PDE4D: variants seen among roughly 807,000 people sequenced by gnomAD.
PDE4D encodes the protein 3',5'-cyclic-AMP phosphodiesterase 4D.
A neutral mutation model predicts 87.4 loss-of-function variants in PDE4D; 24 were observed. The observed-to-expected ratio is 0.27, with a 90% CI of 0.20 to 0.39. PDE4D has a LOEUF of 0.39. Ranked by LOEUF, PDE4D falls within the 10% of genes least tolerant of loss-of-function variation. The probability of loss-of-function intolerance (pLI) is 1.00; values close to 1 mark genes in which losing one functional copy is unlikely to be tolerated. For missense variants in PDE4D, 714 were observed against 1,041.0 expected (o/e 0.69, Z 4.32); for synonymous variants, 384 against 383.2 (o/e 1.00, Z -0.02).
chr5:59,128,442 T>C (rs1472490300), intron 5 of PDE4D, among the ~76,000 whole-genome samples: 4 of 152,172 alleles, frequency 2.6e-5, no homozygotes, highest in African/African-American at 4.8e-5. Flanking sequence ...ACAAGGGAGT[T>C]AATACATACT....
chr5:59,702,869 C>CAAAAAAAA (rs71604798), intron 1 of PDE4D, among the ~76,000 whole-genome samples: 1 of 69,814 alleles, frequency 1.4e-5, no homozygotes, highest in African/African-American at 6.1e-5. Flanking sequence ...GACCCTGTCT[C>CAAAAAAAA]AAAAAAAAAA....
intron 6 of PDE4D, among the ~76,000 whole-genome samples, chr5:59,027,276 G>A (rs577324052): frequency 3.3e-5 from 5 of 152,300 alleles, no homozygotes; most frequent in East Asian, 1.9e-4. Context: ...AGATCATATC[G>A]AGGGTACATG....
chr5:60,320,479 A>C (rs1756142475), intron 1 of PDE4D, among the ~76,000 whole-genome samples: 1 of 152,080 alleles, frequency 6.6e-6, no homozygotes, highest in Non-Finnish European at 1.5e-5. Flanking sequence ...GGTGCACTGC[A>C]CCCACTGTCC....
intron 1 of PDE4D, among the ~76,000 whole-genome samples, chr5:59,704,434 G>A (rs1211267517): frequency 5.9e-5 from 9 of 152,106 alleles, no homozygotes; most frequent in Admixed American, 5.2e-4. Context: ...TTTCTGCCAT[G>A]GACAGATTTC....
intron 6 of PDE4D, among the ~76,000 whole-genome samples, chr5:59,030,682 G>A (rs572643718): frequency 6.6e-6 from 1 of 152,180 alleles, no homozygotes; most frequent in South Asian, 2.1e-4. Flanking sequence ...AGTGAGACAT[G>A]ATCACGCCAC....
rs181052396 is a variant in PDE4D at position 59,741,680 on chromosome 5, C to T, written c.455+151488G>A. Among the ~76,000 whole-genome samples the T allele has an allele frequency of 1.5e-3, 226 of 152,254 alleles. 5 individuals carry two copies. The highest frequency in any genetic ancestry group is 0.015 in the Admixed American group (225 of 15,288). ...CTACTGACTACATGTCTAAAAGATT[C>T]ATCTTTATTTACATATCTAGGTTCT... On this transcript the variant is annotated intron_variant, in intron 1 of 14. Transcript: ENST00000340635.
intron 1 of PDE4D, among the ~76,000 whole-genome samples, chr5:60,484,759 G>A (rs1043353473): frequency 1.1e-4 from 17 of 152,116 alleles, no homozygotes; most frequent in Non-Finnish European, 1.6e-4. Context: ...GTCCATTACT[G>A]GGAATATGTT....
chr5:59,941,880 G>T (rs1757221839), intron 3 of PDE4D, among the ~76,000 whole-genome samples: 1 of 152,196 alleles, frequency 6.6e-6, no homozygotes, highest in African/African-American at 2.4e-5. Flanking sequence ...AATGATGGGG[G>T]ATTTGGCAGG....
At chr5:60,139,155 C>T (rs1582832935) in intron 2 of PDE4D, among the ~76,000 whole-genome samples, 1 of 151,924 alleles carries the variant, frequency 6.6e-6, no homozygotes, top group South Asian at 2.1e-4. Context: ...CAGTTGCTTC[C>T]TAATGTTTGG....
At chr5:59,637,217 A>T (rs1832358487) in intron 1 of PDE4D, among the ~76,000 whole-genome samples, 2 of 152,238 alleles carry the variant, frequency 1.3e-5, no homozygotes, top group African/African-American at 2.4e-5. Flanking sequence ...ACCAGTTAGA[A>T]TGACGATCAT....
chr5:59,048,893 G>T (rs1761119516), intron 5 of PDE4D, among the ~76,000 whole-genome samples: 2 of 152,016 alleles, frequency 1.3e-5, no homozygotes, highest in African/African-American at 2.4e-5. Flanking sequence ...TCTACTACTG[G>T]ATCTCCTTGG....
chr5:60,256,946 C>A (rs1398371345), intron 1 of PDE4D, among the ~76,000 whole-genome samples: 3 of 151,864 alleles, frequency 2.0e-5, no homozygotes, highest in African/African-American at 7.3e-5. Context: ...CATGCACCCA[C>A]ATGGTAACTA....
intron 2 of PDE4D, among the ~76,000 whole-genome samples, chr5:60,128,213 T>C (rs761735032): frequency 6.6e-6 from 1 of 152,180 alleles, no homozygotes; most frequent in Non-Finnish European, 1.5e-5. Context: ...TCAAGAAGTC[T>C]ACAGAATAAT....
At chr5:60,433,622 A>C (rs566740410) in intron 1 of PDE4D, among the ~76,000 whole-genome samples, 1 of 152,338 alleles carries the variant, frequency 6.6e-6, no homozygotes, top group African/African-American at 2.4e-5. Context: ...ACACACATGC[A>C]TATGTTCATT....
chr5:59,466,444 T>C (rs1801597695), intron 1 of PDE4D, among the ~76,000 whole-genome samples: 1 of 152,198 alleles, frequency 6.6e-6, no homozygotes, highest in African/African-American at 2.4e-5. Context: ...TTCAATGCTC[T>C]TTACACTTTT....
intron 2 of PDE4D, among the ~76,000 whole-genome samples, chr5:60,117,999 A>G (rs545393097): frequency 2.6e-5 from 4 of 152,166 alleles, no homozygotes; most frequent in African/African-American, 4.8e-5. Context: ...TCTTTTCTTT[A>G]TCTTCATGTT....
chr5:60,114,775 ATAAG>A (rs1473123037), intron 2 of PDE4D, among the ~76,000 whole-genome samples: 3 of 152,234 alleles, frequency 2.0e-5, no homozygotes, highest in African/African-American at 7.2e-5. Context: ...ATGAGAAACA[ATAAG>A]TAAGGCAATA....
At chr5:60,474,150 A>ATATATATATG (rs1274940940) in intron 1 of PDE4D, among the ~76,000 whole-genome samples, 6 of 96,384 alleles carry the variant, frequency 6.2e-5, no homozygotes, top group Non-Finnish European at 9.2e-5. Flanking sequence ...ATATATATAT[A>ATATATATATG]ACAAAAACCT....
chr5:59,711,221 C>A (rs1013457829), intron 1 of PDE4D, among the ~76,000 whole-genome samples: 5 of 152,220 alleles, frequency 3.3e-5, no homozygotes, highest in Admixed American at 6.5e-5. Flanking sequence ...AAATTTTCTG[C>A]AAGCTGACAT....
Sources: allele counts gnomAD v4.1 joint callset (sites outside exome capture counted in the v4.1 genomes callset), GRCh38; gene constraint gnomAD v4.1.1; transcripts MANE v1.5; gene names NCBI Gene and HGNC (gene_info 2026-07-23, HGNC 2026-07-21).